The following RPTOR variants were observed in gnomAD, a reference collection of about 807,000 sequenced individuals.
The protein encoded by RPTOR is regulatory associated protein of MTOR complex 1, also known as regulatory-associated protein of mTOR.
RPTOR carries 21 observed loss-of-function variants against 169.9 expected under a neutral mutation model. The ratio of observed to expected loss-of-function variants is 0.12; its 90% CI spans 0.09 to 0.18. The LOEUF (loss-of-function observed/expected upper bound fraction) is 0.18, where lower values mean the gene tolerates loss of function less well. RPTOR is among the 10% of genes least tolerant of loss of function. RPTOR has a pLI of 1.00. For missense variants in RPTOR, 1,133 were observed against 1,855.9 expected, an observed-to-expected ratio of 0.61 and a Z score of 7.16; for synonymous variants, 732 against 753.2, an observed-to-expected ratio of 0.97 and a Z score of 0.46.
chr17:80,552,732 A>G (rs534627851), intron 1 of RPTOR, among the ~76,000 whole-genome samples: 1 of 152,260 alleles, frequency 6.6e-6, no homozygotes, highest in Non-Finnish European at 1.5e-5. Context: ...TTTTAGTTGA[A>G]TGGCTTACCT....
chr17:80,939,461 C>G (rs370030203), intron 24 of RPTOR, among the ~76,000 whole-genome samples: 17 of 152,228 alleles, frequency 1.1e-4, no homozygotes, highest in African/African-American at 4.1e-4. Context: ...GCATGTCTAG[C>G]GTCTGCATAT....
At chr17:80,681,466 G>A (rs1303354864) in intron 3 of RPTOR, among the ~76,000 whole-genome samples, 1 of 152,170 alleles carries the variant, frequency 6.6e-6, no homozygotes, top group Non-Finnish European at 1.5e-5. Context: ...GGGGCACCTC[G>A]CGCTGTGGGT....
chr17:80,817,432 C>T (rs2067335470), intron 7 of RPTOR, among the ~76,000 whole-genome samples: 1 of 151,910 alleles, frequency 6.6e-6, no homozygotes, highest in South Asian at 2.1e-4. Context: ...GTTGCGTCTC[C>T]TGAGTGCAGA....
chr17:80,709,077 T>C lies in RPTOR; in HGVS notation c.507+1078T>C, dbSNP rs939395329. The C allele has an allele frequency of 1.7e-5, 17 of 985,486 alleles. 1 individual carries two copies. In the South Asian group the frequency reaches 8.0e-4, roughly 46 times the overall value. The allele number at this position is 985,486 out of a possible 1,614,324, so 61.0% of individuals were successfully genotyped here. A position where few individuals can be genotyped will look rare whatever the true frequency, so the allele number is the denominator to read the frequency against. ...AGACCTCGAGGAAGGCTTCTGACCC[T>C]GGACACTGAGGAGTAGCCAGCCTCG... On this transcript the variant is annotated intron_variant, in intron 4 of 33. Transcript: ENST00000306801.
At chr17:80,647,703 A>T (rs2065607414) in intron 3 of RPTOR, among the ~76,000 whole-genome samples, 1 of 152,228 alleles carries the variant, frequency 6.6e-6, no homozygotes. Flanking sequence ...TCCGTCGGGC[A>T]GGTGTGTCTA....
intron 20 of RPTOR, among the ~76,000 whole-genome samples, chr17:80,896,850 T>G (rs2068412412): frequency 6.6e-6 from 1 of 152,226 alleles, no homozygotes; most frequent in African/African-American, 2.4e-5. Context: ...TAAGTCTTCT[T>G]TATGTCTTCA....
rs146194463 is a variant in RPTOR at position 80,658,840 on chromosome 17, C to T, written c.348+15030C>T. On this transcript the variant is annotated intron_variant, in intron 3 of 33. Coordinates refer to ENST00000306801, the MANE Select transcript of RPTOR (RefSeq NM_020761.3). ...ATTTTTCTATTCTGTGATTTCCATT[C>T]GATTCTTTATCAATTCCAGTTCTCT... 2.6e-4 allele frequency among the ~76,000 whole-genome samples: 40 copies of T among 152,268 alleles called. No individual in the cohort carries two copies. The East Asian group carries it at 3.5e-3, about 13-fold the overall frequency.
rs1567974673 is a variant in RPTOR, at chr17:80,896,442, CCA to C, written c.2401+2578_2401+2579del. On this transcript the variant is annotated intron_variant, in intron 20 of 33. Transcript: ENST00000306801. ...ACACGGCCTCGCCAACACCCCACGG[CCA>C]TGCCGACACCCCACACGGCCGCACC... 1.1e-4 allele frequency among the ~76,000 whole-genome samples: 11 copies of C among 99,852 alleles called. 1 individual carries two copies. The highest frequency in any genetic ancestry group is 1.9e-4 in the Admixed American group (2 of 10,362). 65.5% of individuals were successfully genotyped at this position (99,852 alleles called of 152,430 possible).
chr17:80,961,673 C>A, intron 31 of RPTOR, 193 bp downstream of exon 31: 1 of 628,056 alleles, frequency 1.6e-6, no homozygotes, highest in Non-Finnish European at 2.6e-6. Flanking sequence ...TGCTCCCCTG[C>A]TGGGGGACAC....
chr17:80,945,926 C>T (rs1420628077), intron 26 of RPTOR, 145 bp downstream of exon 26: 9 of 488,602 alleles, frequency 1.8e-5, no homozygotes, highest in Admixed American at 4.3e-5. Flanking sequence ...TCCTGAGAAA[C>T]GGCCCTACTC....
At chr17:80,700,258 A>C (rs2066072831) in intron 3 of RPTOR, among the ~76,000 whole-genome samples, 1 of 152,246 alleles carries the variant, frequency 6.6e-6, no homozygotes, top group Admixed American at 6.5e-5. Flanking sequence ...GTGGGAAGAC[A>C]TCAAAGGTTT....
At chr17:80,931,992 T>C (rs1375156586) in intron 24 of RPTOR, among the ~76,000 whole-genome samples, 1 of 152,098 alleles carries the variant, frequency 6.6e-6, no homozygotes, top group African/African-American at 2.4e-5. Context: ...CAGGCCCTGC[T>C]TGAAGCATGA....
chr17:80,772,029 C>T (rs2066848801), intron 6 of RPTOR, among the ~76,000 whole-genome samples: 1 of 152,160 alleles, frequency 6.6e-6, no homozygotes, highest in African/African-American at 2.4e-5. Flanking sequence ...TTATATTGGC[C>T]AGGCTGGTCT....
intron 5 of RPTOR, among the ~76,000 whole-genome samples, chr17:80,735,407 G>GGA (rs1389145610): frequency 1.3e-5 from 2 of 152,100 alleles, no homozygotes; most frequent in African/African-American, 2.4e-5. Flanking sequence ...TGACTGAGTT[G>GGA]GAGAGAGAGA....
chr17:80,570,551 C>T (rs1383477314), intron 1 of RPTOR, among the ~76,000 whole-genome samples: 1 of 152,114 alleles, frequency 6.6e-6, no homozygotes, highest in African/African-American at 2.4e-5. Flanking sequence ...ACCTCCGCCT[C>T]CTGGGTTTAA....
intron 1 of RPTOR, among the ~76,000 whole-genome samples, chr17:80,592,300 G>A (rs1286843218): frequency 1.3e-5 from 2 of 152,206 alleles, no homozygotes; most frequent in African/African-American, 4.8e-5. Flanking sequence ...GTGTGCTAGA[G>A]ATCCGCTGTG....
intron 3 of RPTOR, among the ~76,000 whole-genome samples, chr17:80,706,541 C>G (rs1359796177): frequency 6.6e-6 from 1 of 152,146 alleles, no homozygotes; most frequent in Non-Finnish European, 1.5e-5. Context: ...TGTTCTCAAG[C>G]AAGCCAAGTC....
At chr17:80,689,833 G>A (rs570342504) in intron 3 of RPTOR, among the ~76,000 whole-genome samples, 1 of 152,208 alleles carries the variant, frequency 6.6e-6, no homozygotes, top group South Asian at 2.1e-4. Flanking sequence ...TATTTTTCTA[G>A]GTATGATAAT....
Position 80,965,168 on chromosome 17 carries a change from G to T in RPTOR, c.*838G>T, listed in dbSNP as rs746155584. 4.3e-6 allele frequency: 1 copy of T among 233,316 alleles called. No homozygotes were observed. The highest frequency in any genetic ancestry group is 6.0e-5 in the East Asian group (1 of 16,584). 14.5% of individuals were successfully genotyped at this position (233,316 alleles called of 1,614,324 possible). On this transcript the variant is annotated 3_prime_UTR_variant, in exon 34 of 34. Coordinates refer to ENST00000306801, the MANE Select transcript of RPTOR (RefSeq NM_020761.3). ...AAGGGCTGCTCTTCCCCACAGGCGCGGGGACAGCAGCCCGACCTGTGGTCT... is the reference window on the plus strand; with the variant it reads ...AAGGGCTGCTCTTCCCCACAGGCGCTGGGACAGCAGCCCGACCTGTGGTCT...
Sources: gnomAD v4.1 joint callset for allele counts (sites outside exome capture counted in the v4.1 genomes callset) on GRCh38, gnomAD v4.1.1 for gene constraint, MANE v1.5 for transcripts, NCBI Gene and HGNC (gene_info 2026-07-23, HGNC 2026-07-21) for gene names.